Variants in LRRTM4 observed in about 807,000 individuals in gnomAD.
The protein encoded by LRRTM4 is leucine-rich repeat transmembrane neuronal protein 4.
In LRRTM4, 25 loss-of-function variants were observed where a neutral mutation model predicts 47.6. The observed-to-expected ratio is 0.53, with a 90% confidence interval of 0.38 to 0.73. The LOEUF is 0.73. Among genes scored for constraint, LRRTM4 ranks in the 30% least tolerant of loss-of-function variants. The pLI, the probability that LRRTM4 is intolerant of heterozygous loss-of-function variation, is 0.00. For synonymous variants in LRRTM4, 311 were observed against 269.5 expected (o/e 1.15, Z -1.51); for missense variants, 638 against 713.4 (o/e 0.89, Z 1.20).
intron 3 of LRRTM4, among the ~76,000 whole-genome samples, chr2:76,901,584 A>T (rs1223253487): frequency 6.6e-6 from 1 of 152,114 alleles, no homozygotes; most frequent in Non-Finnish European, 1.5e-5. Context: ...GGTATCTCTA[A>T]GCACTGTAAA....
chr2:76,989,377 G>A (rs550757108), intron 3 of LRRTM4, among the ~76,000 whole-genome samples: 45 of 151,924 alleles, frequency 3.0e-4, no homozygotes, highest in Middle Eastern at 3.4e-3. Flanking sequence ...TGATCTAAGG[G>A]TTTGAAGCGA....
intron 3 of LRRTM4, among the ~76,000 whole-genome samples, chr2:76,840,633 T>G (rs965610120): frequency 6.6e-6 from 1 of 152,210 alleles, no homozygotes; most frequent in Non-Finnish European, 1.5e-5. Flanking sequence ...CTGCTTGAGT[T>G]TCACAGCTGC....
chr2:77,388,420 A>G (rs548571145), intron 3 of LRRTM4, among the ~76,000 whole-genome samples: 6 of 152,146 alleles, frequency 3.9e-5, no homozygotes, highest in East Asian at 3.9e-4. Flanking sequence ...TTACATTGAC[A>G]AGGAGGAAAT....
intron 3 of LRRTM4, among the ~76,000 whole-genome samples, chr2:77,339,974 T>C (rs1469873151): frequency 6.6e-6 from 1 of 152,010 alleles, no homozygotes; most frequent in African/African-American, 2.4e-5. Context: ...GCTATAAATC[T>C]ATATTTTGAA....
chr2:76,976,706 G>A (rs1676429232), intron 3 of LRRTM4, among the ~76,000 whole-genome samples: 1 of 151,768 alleles, frequency 6.6e-6, no homozygotes, highest in Admixed American at 6.6e-5. Context: ...GATATCCGTG[G>A]AAAAAGGTTG....
intron 3 of LRRTM4, among the ~76,000 whole-genome samples, chr2:76,810,728 T>C (rs993924317): frequency 4.6e-5 from 7 of 152,212 alleles, no homozygotes; most frequent in African/African-American, 1.7e-4. Context: ...AATATTAAAG[T>C]TCCTGCTTCA....
intron 3 of LRRTM4, among the ~76,000 whole-genome samples, chr2:77,506,812 A>G (rs549006655): frequency 2.0e-5 from 3 of 151,936 alleles, no homozygotes; most frequent in Non-Finnish European, 4.4e-5. Flanking sequence ...ATGTCCAACA[A>G]AAAAGGGAGG....
At chr2:76,781,643 C>T (rs529029325) in intron 3 of LRRTM4, among the ~76,000 whole-genome samples, 18 of 152,342 alleles carry the variant, frequency 1.2e-4, no homozygotes, top group Admixed American at 8.5e-4. Flanking sequence ...CACTGACCTG[C>T]GCCCACTGTC....
chr2:76,903,226 T>A (rs778294432), intron 3 of LRRTM4, among the ~76,000 whole-genome samples: 1 of 151,086 alleles, frequency 6.6e-6, no homozygotes, highest in Non-Finnish European at 1.5e-5. Flanking sequence ...CAAATAAAAA[T>A]AAAAAAAGAA....
At chr2:77,019,764 T>A (rs78635701) in intron 3 of LRRTM4, among the ~76,000 whole-genome samples, 2,840 of 152,220 alleles carry the variant, frequency 0.019, 102 homozygotes, top group African/African-American at 0.065. Context: ...TAGCAATAGA[T>A]AACTGAACCA....
At chr2:77,272,246 AT>A (rs1161794471) in intron 3 of LRRTM4, among the ~76,000 whole-genome samples, 1 of 152,090 alleles carries the variant, frequency 6.6e-6, no homozygotes, top group African/African-American at 2.4e-5. Flanking sequence ...TTATTGAGCC[AT>A]TTTTTAGTGG....
chr2:77,323,818 T>C (rs1374726537), intron 3 of LRRTM4, among the ~76,000 whole-genome samples: 1 of 152,112 alleles, frequency 6.6e-6, no homozygotes, highest in African/African-American at 2.4e-5. Flanking sequence ...TCTAGCTGTG[T>C]GGTCTTGGGC....
chr2:77,149,946 C>T (rs1208428168), intron 3 of LRRTM4, among the ~76,000 whole-genome samples: 3 of 152,140 alleles, frequency 2.0e-5, no homozygotes, highest in Non-Finnish European at 4.4e-5. Context: ...TAAAGATAAT[C>T]AGTGTGGTCC....
chr2:77,423,304 T>G (rs1179937400), intron 3 of LRRTM4, among the ~76,000 whole-genome samples: 1 of 151,662 alleles, frequency 6.6e-6, no homozygotes, highest in Non-Finnish European at 1.5e-5. Context: ...CATGGGTCTT[T>G]TATAAATCCA....
At chr2:77,054,747 G>C (rs972686082) in intron 3 of LRRTM4, among the ~76,000 whole-genome samples, 1 of 152,170 alleles carries the variant, frequency 6.6e-6, no homozygotes, top group East Asian at 1.9e-4. Context: ...ACCACAGGCT[G>C]ACCTCTGTTT....
chr2:77,050,878 C>A (rs180876297), intron 3 of LRRTM4, among the ~76,000 whole-genome samples: 1 of 152,202 alleles, frequency 6.6e-6, no homozygotes, highest in Admixed American at 6.6e-5. Context: ...TATTATTCAT[C>A]AGTACTCTTA....
At chr2:77,093,566 C>A (rs574612386) in intron 3 of LRRTM4, among the ~76,000 whole-genome samples, 2 of 151,890 alleles carry the variant, frequency 1.3e-5, no homozygotes, top group Admixed American at 1.3e-4. Context: ...TGAGAAACAT[C>A]GCCCATTCTC....
intron 3 of LRRTM4, among the ~76,000 whole-genome samples, chr2:76,794,550 CT>C (rs2103731533): frequency 6.6e-6 from 1 of 151,934 alleles, no homozygotes; most frequent in South Asian, 2.1e-4. Context: ...AATTGAATTG[CT>C]TTATTAATTC....
intron 3 of LRRTM4, among the ~76,000 whole-genome samples, chr2:76,900,511 T>C (rs1673587927): frequency 6.6e-6 from 1 of 152,142 alleles, no homozygotes; most frequent in African/African-American, 2.4e-5. Context: ...TTTTGGTCTT[T>C]CTTGTGTGCC....
Sources: gnomAD v4.1 joint callset for allele counts (sites outside exome capture counted in the v4.1 genomes callset) on GRCh38, gnomAD v4.1.1 for gene constraint, MANE v1.5 for transcripts, NCBI Gene and HGNC (gene_info 2026-07-23, HGNC 2026-07-21) for gene names.